Variants in TOP2B observed in about 807,000 individuals in gnomAD.
The protein encoded by TOP2B is DNA topoisomerase II beta, also known as DNA topoisomerase 2-beta.
Under a neutral mutation model 193.5 loss-of-function variants are expected in TOP2B, and 51 were observed. The ratio of observed to expected loss-of-function variants is 0.26; its 90% CI spans 0.21 to 0.33. The LOEUF (loss-of-function observed/expected upper bound fraction) is 0.33. TOP2B is among the 10% of genes least tolerant of loss of function. The pLI, the probability that TOP2B is intolerant of heterozygous loss-of-function variation, is 1.00. For missense variants in TOP2B, 1,378 were observed against 1,909.3 expected, an observed-to-expected ratio of 0.72 and a Z score of 5.19; for synonymous variants, 634 against 635.7, an observed-to-expected ratio of 1.00 and a Z score of 0.04.
chr3:25,611,430 G>A (rs529641452), intron 28 of TOP2B, among the ~76,000 whole-genome samples: 2 of 152,280 alleles, frequency 1.3e-5, no homozygotes, highest in Non-Finnish European at 2.9e-5. Context: ...GCTCTGCACA[G>A]AGAACTCTCC....
chr3:25,622,656 T>G (rs865961728), intron 21 of TOP2B, among the ~76,000 whole-genome samples: 11 of 150,760 alleles, frequency 7.3e-5, no homozygotes, highest in African/African-American at 2.4e-4. Context: ...TTTTTTTTTT[T>G]GGGAGACGGA....
At chr3:25,622,969 A>C (rs182205749) in intron 21 of TOP2B, among the ~76,000 whole-genome samples, 1 of 151,966 alleles carries the variant, frequency 6.6e-6, no homozygotes, top group Non-Finnish European at 1.5e-5. Context: ...GTAGAGATGG[A>C]GTTTCCCCAT....
intron 25 of TOP2B, 127 bp from the exon 26 acceptor site, chr3:25,615,713 G>A (rs1006883177): frequency 2.5e-6 from 2 of 805,774 alleles, no homozygotes; most frequent in Non-Finnish European, 3.4e-6. Context: ...CAGGATGGTG[G>A]GGTTATTTTG....
Position 25,623,631 on chromosome 3 carries a change from T to A in TOP2B, c.2611A>T (p.Ile871Leu). 1 of 1,613,910 alleles carries A rather than the reference T, an allele frequency of 6.2e-7. No homozygotes were observed. Among genetic ancestry groups the A allele is most frequent in the Non-Finnish European group, 8.5e-7 (1 of 1,179,832 alleles). Residue 871 changes from isoleucine (I) to leucine (L), a missense_variant, in exon 21 of 36, where the codon ATA (isoleucine) becomes TTA (leucine). Ile to Leu is a conservative substitution (Grantham distance 5). Around this residue, in one of 9 missense-constraint regions of TOP2B, gnomAD observed 379 missense variants for 615.1 expected, o/e 0.62. Coordinates refer to ENST00000264331, the MANE Select transcript of TOP2B (RefSeq NM_001330700.2). ...GTACCAATGCCCTCAGCACCATTTA[T>A]TAAAACCATGGGAATTATAGGAATA... ...WYIPIIPMVLINGAEGIGTGW... is the reference protein window; with the variant it reads ...WYIPIIPMVLLNGAEGIGTGW...
chr3:25,599,589 G>C (rs1702034804), intron 34 of TOP2B, 60 bp from the exon 35 acceptor site: 2 of 1,466,820 alleles, frequency 1.4e-6, no homozygotes, highest in African/African-American at 1.4e-5. Flanking sequence ...AAAGATAAAT[G>C]CCACAACATT....
intron 1 of TOP2B, among the ~76,000 whole-genome samples, chr3:25,656,399 T>C (rs1315945314): frequency 6.6e-6 from 1 of 152,030 alleles, no homozygotes; most frequent in Non-Finnish European, 1.5e-5. Flanking sequence ...GCCCAGGAAT[T>C]TGAGACCAGC....
Position 25,624,387 on chromosome 3 carries a change from ATGT to A in TOP2B, c.2402_2404del (p.Asn801del), listed in dbSNP as rs766182657. Reference sequence around the variant, plus strand: ...CTGACCAATAGGCTGAAGCAAGTTAATGTTGTTACTTCCCACAAAGTTCTGAGC... The same window carrying A: ...CTGACCAATAGGCTGAAGCAAGTTAATGTTACTTCCCACAAAGTTCTGAGC... On this transcript the variant is annotated inframe_deletion, in exon 20 of 36. Coordinates refer to ENST00000264331, the MANE Select transcript of TOP2B (RefSeq NM_001330700.2). 1 of 1,613,922 alleles carries A rather than the reference ATGT, an allele frequency of 6.2e-7. No individual in the cohort carries two copies. Among genetic ancestry groups the A allele is most frequent in the Non-Finnish European group, 8.5e-7 (1 of 1,179,840 alleles).
chr3:25,646,344 A>G (rs1703415090), intron 1 of TOP2B, among the ~76,000 whole-genome samples: 1 of 152,184 alleles, frequency 6.6e-6, no homozygotes, highest in Non-Finnish European at 1.5e-5. Context: ...AATTCCTCAC[A>G]TATCAGCTCT....
At position 25,642,326 on chromosome 3, in the gene TOP2B, C is replaced by A; in HGVS notation, c.391G>T (p.Asp131Tyr). The A allele has an allele frequency of 6.5e-7, 1 of 1,537,008 alleles. No homozygotes were observed. Among genetic ancestry groups the A allele is most frequent in the Non-Finnish European group, 8.8e-7 (1 of 1,136,362 alleles). ...KNMTCIKVSIDPESNIISIWN... is the reference protein window; with the variant it reads ...KNMTCIKVSIYPESNIISIWN... ...TTAAACTTTAAATATACTTACGGAT[C>A]AATAGAAACTTTAATACAAGTCATG... Residue 131 changes from aspartate to tyrosine, a missense_variant, in exon 4 of 36, where the codon GAT becomes TAT. By Grantham distance (160) the Asp-to-Tyr change is radical. Coordinates refer to ENST00000264331, the MANE Select transcript of TOP2B (RefSeq NM_001330700.2).
intron 33 of TOP2B, among the ~76,000 whole-genome samples, chr3:25,602,387 A>G (rs1334888288): frequency 2.3e-5 from 3 of 130,248 alleles, no homozygotes; most frequent in Non-Finnish European, 4.6e-5. Flanking sequence ...ACAGAGCAAG[A>G]CTCTGTCTCA....
At position 25,612,729 on chromosome 3, in the gene TOP2B, C is replaced by T. The variant is rs1342965881; in HGVS notation, c.3592-20G>A. 2 of 1,589,626 alleles carry T rather than the reference C, an allele frequency of 1.3e-6. No homozygotes were observed. Among genetic ancestry groups the T allele is most frequent in the Non-Finnish European group, 1.7e-6 (2 of 1,162,268 alleles). On this transcript the variant is annotated intron_variant, in intron 27 of 35. Coordinates refer to ENST00000264331, the MANE Select transcript of TOP2B (RefSeq NM_001330700.2). ...CACTTTCTAAAGTATAATCATAAGG[C>T]AGAAGGAACATAAACAACTTCTTAG...
At chr3:25,628,118 A>G (rs78586427) in intron 15 of TOP2B, among the ~76,000 whole-genome samples, 2,683 of 150,610 alleles carry the variant, frequency 0.018, 38 homozygotes, top group Middle Eastern at 0.045. Flanking sequence ...AAAATAAACA[A>G]TTTTAATACA....
At chr3:25,614,757 C>T (rs894514230) in intron 27 of TOP2B, among the ~76,000 whole-genome samples, 3 of 151,884 alleles carry the variant, frequency 2.0e-5, no homozygotes, top group Non-Finnish European at 2.9e-5. Flanking sequence ...TATATCTCTA[C>T]ATTTTTTTTA....
At chr3:25,645,192 T>C in intron 2 of TOP2B, 108 bp downstream of exon 2, 1 of 1,052,620 alleles carries the variant, frequency 9.5e-7, no homozygotes, top group Non-Finnish European at 1.4e-6. Context: ...CTATGACAGA[T>C]GAAATTACAA....
intron 13 of TOP2B, 79 bp downstream of exon 13, chr3:25,629,950 C>G: frequency 3.6e-6 from 5 of 1,403,608 alleles, no homozygotes; most frequent in Non-Finnish European, 4.7e-6. Flanking sequence ...CATCTTCGGG[C>G]AAGTCTCATA....
intron 5 of TOP2B, among the ~76,000 whole-genome samples, 179 bp from the exon 6 acceptor site, chr3:25,637,491 G>A (rs993355430): frequency 6.6e-5 from 10 of 152,082 alleles, no homozygotes; most frequent in East Asian, 3.9e-4. Context: ...ATACAATTAA[G>A]ATTTAGTATA....
intron 1 of TOP2B, 47 bp from the exon 2 acceptor site, chr3:25,645,517 G>A (rs1235895853): frequency 5.4e-6 from 8 of 1,471,796 alleles, no homozygotes; most frequent in Non-Finnish European, 6.4e-6. Context: ...CCAAGGGGTA[G>A]ACAATGAGTA....
chr3:25,620,650 T>C lies in TOP2B; in HGVS notation c.2862+32A>G, dbSNP rs758621694. On this transcript the variant is annotated intron_variant, in intron 22 of 35. Coordinates refer to ENST00000264331, the MANE Select transcript of TOP2B (RefSeq NM_001330700.2). ...GAAAAAATTGCTTAATACACTGCCCTTCCCTCAGGCAGATCACATATTTAC... is the reference window on the plus strand; with the variant it reads ...GAAAAAATTGCTTAATACACTGCCCCTCCCTCAGGCAGATCACATATTTAC... The C allele has an allele frequency of 2.5e-6, 4 of 1,598,948 alleles. No individual in the cohort carries two copies. The Admixed American group carries it at 6.9e-5, about 28-fold the overall frequency.
chr3:25,634,990 G>C (rs1257420381), intron 7 of TOP2B, among the ~76,000 whole-genome samples: 3 of 151,986 alleles, frequency 2.0e-5, no homozygotes, highest in African/African-American at 7.2e-5. Context: ...AGACTGGGAT[G>C]TAATGAGACA....
Sources: gnomAD v4.1 joint callset for allele counts (sites outside exome capture counted in the v4.1 genomes callset) on GRCh38, gnomAD v4.1.1 for gene constraint, gnomAD v4.1.1 regional missense constraint, MANE v1.5 for transcripts, NCBI Gene and HGNC (gene_info 2026-07-23, HGNC 2026-07-21) for gene names.